The following PRKAG2 variants were observed in gnomAD, a reference collection of about 807,000 sequenced individuals.
PRKAG2 encodes the protein protein kinase AMP-activated non-catalytic subunit gamma 2.
Under a neutral mutation model 69.6 loss-of-function variants are expected in PRKAG2, and 26 were observed. The ratio of observed to expected loss-of-function variants is 0.37; its 90% CI spans 0.27 to 0.52. The LOEUF (loss-of-function observed/expected upper bound fraction) is 0.52, where lower values mean the gene tolerates loss of function less well. PRKAG2 is among the 20% of genes least tolerant of loss of function. The probability of loss-of-function intolerance (pLI) is 0.90; values close to 1 mark genes in which losing one functional copy is unlikely to be tolerated. For synonymous variants in PRKAG2, 293 were observed against 285.0 expected, an observed-to-expected ratio of 1.03 and a Z score of -0.28; for missense variants, 557 against 740.0, an observed-to-expected ratio of 0.75 and a Z score of 2.87.
chr7:151,780,052 C>T lies in PRKAG2; in HGVS notation c.466+1100G>A, dbSNP rs1016627510. Among the ~76,000 whole-genome samples, 3 of 152,222 alleles carry T rather than the reference C, an allele frequency of 2.0e-5. No homozygotes were observed. Among genetic ancestry groups the T allele is most frequent in the Non-Finnish European group, 4.4e-5 (3 of 68,034 alleles). On this transcript the variant is annotated intron_variant, in intron 3 of 15. Transcript: ENST00000287878. This position sits in a 1 kb window ranked among gnomAD's most constrained non-coding sequence, Gnocchi z 4.2. ...CCACAACACACACACAACCCACAGG[C>T]GGGAGCACCTTCATTTGTTTTATGT...
chr7:151,648,851 C>A (rs1369172428), intron 4 of PRKAG2, among the ~76,000 whole-genome samples: 2 of 151,774 alleles, frequency 1.3e-5, no homozygotes, highest in African/African-American at 4.8e-5. Context: ...ACCCCCGTCT[C>A]TTTAAAAAAC....
chr7:151,747,722 C>G (rs1191175663), intron 3 of PRKAG2, among the ~76,000 whole-genome samples: 1 of 152,016 alleles, frequency 6.6e-6, no homozygotes. Flanking sequence ...GATACAAAAA[C>G]AAAACAAAAC....
intron 1 of PRKAG2, among the ~76,000 whole-genome samples, chr7:151,853,878 C>G (rs1444335169): frequency 2.0e-5 from 3 of 152,030 alleles, no homozygotes; most frequent in Admixed American, 6.6e-5. Flanking sequence ...GATTTGGGCT[C>G]AAAATAAGAC....
intron 14 of PRKAG2, among the ~76,000 whole-genome samples, chr7:151,561,616 G>C (rs57276651): frequency 0.11 from 16,317 of 152,258 alleles, 1,112 homozygotes; most frequent in East Asian, 0.27. Flanking sequence ...CGCAGGAAGG[G>C]AGCGGCGTTG....
intron 14 of PRKAG2, among the ~76,000 whole-genome samples, chr7:151,561,330 G>T (rs1325415287): frequency 6.6e-6 from 1 of 152,196 alleles, no homozygotes; most frequent in African/African-American, 2.4e-5. Context: ...TTGTATATCA[G>T]TTTCTAATAA....
At position 151,829,919 on chromosome 7, in the gene PRKAG2, G is replaced by A. The variant is rs538915827; in HGVS notation, c.115-43378C>T. Among the ~76,000 whole-genome samples, 34 of 151,948 alleles carry A rather than the reference G, an allele frequency of 2.2e-4. 1 individual carries two copies. In the South Asian group the frequency reaches 7.1e-3, roughly 32 times the overall value. ...GCGCAGCTGCCAGAGTTCCTGAGGA[G>A]ACCGAGGCGCAGACACCCCCCTGAG... On this transcript the variant is annotated intron_variant, in intron 1 of 15. Coordinates refer to ENST00000287878, the MANE Select transcript of PRKAG2 (RefSeq NM_016203.4).
intron 1 of PRKAG2, among the ~76,000 whole-genome samples, chr7:151,851,829 C>T (rs911484810): frequency 1.3e-5 from 2 of 152,150 alleles, no homozygotes; most frequent in African/African-American, 2.4e-5. Context: ...GAAATGTGCA[C>T]GTCCTCACTC....
chr7:151,591,867 T>C (rs1813223125), intron 6 of PRKAG2, among the ~76,000 whole-genome samples: 1 of 152,128 alleles, frequency 6.6e-6, no homozygotes, highest in Non-Finnish European at 1.5e-5. Flanking sequence ...CTGCAGATAA[T>C]GACTCTCCCG....
chr7:151,763,044 C>T (rs914753224), intron 3 of PRKAG2, among the ~76,000 whole-genome samples: 1 of 152,162 alleles, frequency 6.6e-6, no homozygotes, highest in Non-Finnish European at 1.5e-5. Flanking sequence ...CTCCCTCTAC[C>T]GGCTCCTCCC....
At chr7:151,624,137 CGTGTGTGTGT>C (rs58644630) in intron 5 of PRKAG2, among the ~76,000 whole-genome samples, 13 of 145,064 alleles carry the variant, frequency 9.0e-5, no homozygotes, top group African/African-American at 1.5e-4. Flanking sequence ...CAGAAGGCAG[CGTGTGTGTGT>C]GTGTGTGTGT....
intron 1 of PRKAG2, among the ~76,000 whole-genome samples, chr7:151,840,029 T>C (rs1004275557): frequency 1.3e-5 from 2 of 152,110 alleles, no homozygotes; most frequent in Non-Finnish European, 2.9e-5. Flanking sequence ...GAGCGGTGAA[T>C]TTGGACACTG....
Position 151,824,914 on chromosome 7 carries a change from G to A in PRKAG2, c.115-38373C>T, listed in dbSNP as rs191980152. Reference sequence around the variant, plus strand: ...AAATAAACTCAGTGTAACTTATAGCGCTTAAGAAGGTCATCTAGGCGGGGC... The same window carrying A: ...AAATAAACTCAGTGTAACTTATAGCACTTAAGAAGGTCATCTAGGCGGGGC... On this transcript the variant is annotated intron_variant, in intron 1 of 15. Coordinates refer to ENST00000287878, the MANE Select transcript of PRKAG2 (RefSeq NM_016203.4). 2.0e-3 allele frequency among the ~76,000 whole-genome samples: 298 copies of A among 152,226 alleles called. 2 individuals are homozygous for A. The highest frequency in any genetic ancestry group is 6.3e-3 in the African/African-American group (260 of 41,532).
intron 1 of PRKAG2, among the ~76,000 whole-genome samples, chr7:151,823,484 C>T (rs372143286): frequency 1.3e-5 from 2 of 150,278 alleles, no homozygotes; most frequent in African/African-American, 2.4e-5. Flanking sequence ...GGCCAGGCAC[C>T]GTGGTGGGTG....
intron 1 of PRKAG2, among the ~76,000 whole-genome samples, chr7:151,822,996 G>A (rs2078824885): frequency 1.3e-5 from 2 of 152,182 alleles, no homozygotes; most frequent in Non-Finnish European, 2.9e-5. Flanking sequence ...AGGGCTCCTA[G>A]AATTCCTCCC....
chr7:151,624,741 G>A (rs1051758102), intron 5 of PRKAG2, among the ~76,000 whole-genome samples: 2 of 152,184 alleles, frequency 1.3e-5, no homozygotes, highest in Non-Finnish European at 1.5e-5. Flanking sequence ...GTCGGGTGGA[G>A]AAGCCTTTCA....
chr7:151,700,373 C>A (rs533996160), intron 3 of PRKAG2, among the ~76,000 whole-genome samples: 1 of 152,096 alleles, frequency 6.6e-6, no homozygotes. Flanking sequence ...GACCTCCAGG[C>A]CCCCACCCCA....
intron 5 of PRKAG2, among the ~76,000 whole-genome samples, chr7:151,624,398 A>C (rs1299347009): frequency 1.3e-5 from 2 of 151,828 alleles, no homozygotes; most frequent in Non-Finnish European, 2.9e-5. Flanking sequence ...TGATCCATCC[A>C]CCTTGGCCTC....
At chr7:151,803,947 A>G (rs946666236) in intron 1 of PRKAG2, among the ~76,000 whole-genome samples, 1 of 151,890 alleles carries the variant, frequency 6.6e-6, no homozygotes, top group Admixed American at 6.6e-5. Flanking sequence ...CAAAAAAAAA[A>G]AAAAAAAAAG....
intron 3 of PRKAG2, among the ~76,000 whole-genome samples, chr7:151,682,874 TGGA>T (rs1049611397): frequency 3.9e-5 from 6 of 152,110 alleles, no homozygotes; most frequent in African/African-American, 1.4e-4. Flanking sequence ...GCCCCGATCC[TGGA>T]GGAGGACACA....
Sources: gnomAD v4.1 joint callset for allele counts (sites outside exome capture counted in the v4.1 genomes callset) on GRCh38, gnomAD v4.1.1 for gene constraint, Gnocchi (gnomAD v3.1) non-coding constraint, MANE v1.5 for transcripts, NCBI Gene and HGNC (gene_info 2026-07-23, HGNC 2026-07-21) for gene names.